TLN2: variants seen among roughly 807,000 people sequenced by gnomAD.
The protein encoded by TLN2 is talin-2.
Under a neutral mutation model 294.7 loss-of-function variants are expected in TLN2, and 118 were observed. The observed-to-expected ratio is 0.40, with a 90% CI of 0.34 to 0.47. The LOEUF (loss-of-function observed/expected upper bound fraction) is 0.47, where lower values mean the gene tolerates loss of function less well. Ranked by LOEUF, TLN2 falls within the 20% of genes least tolerant of loss-of-function variation. TLN2 has a pLI of 0.84. For synonymous variants in TLN2, 1,431 were observed against 1,304.5 expected, an observed-to-expected ratio of 1.10 and a Z score of -2.09; for missense variants, 3,083 against 3,282.2, an observed-to-expected ratio of 0.94 and a Z score of 1.48.
At chr15:62,691,768 C>G (rs536579926) in intron 12 of TLN2, among the ~76,000 whole-genome samples, 45 of 152,056 alleles carry the variant, frequency 3.0e-4, no homozygotes, top group African/African-American at 1.1e-3. Flanking sequence ...CTCCTGGGCT[C>G]AAGCGATCCT....
At chr15:62,394,211 G>C (rs1003779048) in intron 1 of TLN2, among the ~76,000 whole-genome samples, 3 of 152,190 alleles carry the variant, frequency 2.0e-5, no homozygotes, top group Non-Finnish European at 4.4e-5. Context: ...TTACCAGTCT[G>C]TGTAGTGGTG....
chr15:62,772,669 T>TTA (rs925739072), intron 42 of TLN2, among the ~76,000 whole-genome samples: 1 of 30,990 alleles, frequency 3.2e-5, no homozygotes, highest in African/African-American at 7.8e-5. Flanking sequence ...ATTTATTTAT[T>TTA]TTTTTTTTTT....
chr15:62,477,078 C>T (rs2140374049), intron 1 of TLN2, among the ~76,000 whole-genome samples: 1 of 152,320 alleles, frequency 6.6e-6, no homozygotes, highest in Admixed American at 6.5e-5. Context: ...GAGATAGGCA[C>T]AGTCTATGCT....
At chr15:62,753,455 C>T (rs978152368) in intron 35 of TLN2, among the ~76,000 whole-genome samples, 1 of 152,210 alleles carries the variant, frequency 6.6e-6, no homozygotes, top group Non-Finnish European at 1.5e-5. Context: ...GCCTCGTGAT[C>T]ACAAGATGGC....
At chr15:62,523,662 G>A (rs922112067) in intron 1 of TLN2, among the ~76,000 whole-genome samples, 4 of 152,124 alleles carry the variant, frequency 2.6e-5, no homozygotes, top group Non-Finnish European at 5.9e-5. Flanking sequence ...AAATAATAGA[G>A]AATAACTAGC....
chr15:62,790,992 C>G (rs920867790), intron 45 of TLN2, among the ~76,000 whole-genome samples: 5 of 152,170 alleles, frequency 3.3e-5, no homozygotes, highest in Admixed American at 6.5e-5. Flanking sequence ...CTGTAGCACC[C>G]TGTGTACGAA....
chr15:62,553,920 A>G (rs2042461017), intron 1 of TLN2, among the ~76,000 whole-genome samples: 1 of 151,132 alleles, frequency 6.6e-6, no homozygotes, highest in African/African-American at 2.4e-5. Flanking sequence ...CTTGGGATGC[A>G]TATCTTTTAA....
At chr15:62,539,508 A>G (rs183368475) in intron 1 of TLN2, among the ~76,000 whole-genome samples, 5 of 152,340 alleles carry the variant, frequency 3.3e-5, no homozygotes, top group Admixed American at 3.3e-4. Context: ...AGACTAAGAC[A>G]AGGGCCTGAA....
intron 1 of TLN2, among the ~76,000 whole-genome samples, chr15:62,411,428 G>GGT (rs1566950989): frequency 2.8e-5 from 2 of 71,776 alleles, no homozygotes; most frequent in South Asian, 9.7e-4. Flanking sequence ...GTGAGTAATG[G>GGT]ATGTGTGTGT....
chr15:62,412,120 T>C (rs2033811654), intron 1 of TLN2, among the ~76,000 whole-genome samples: 1 of 152,194 alleles, frequency 6.6e-6, no homozygotes, highest in Admixed American at 6.5e-5. Flanking sequence ...GGACCAGCAA[T>C]TTCAGCATCA....
chr15:62,782,384 G>A (rs1239304749), intron 44 of TLN2, among the ~76,000 whole-genome samples: 1 of 152,224 alleles, frequency 6.6e-6, no homozygotes. Context: ...CCTAGTCCGA[G>A]CCAGCAGACT....
At chr15:62,435,115 C>T (rs1401759552) in intron 1 of TLN2, among the ~76,000 whole-genome samples, 1 of 152,194 alleles carries the variant, frequency 6.6e-6, no homozygotes, top group African/African-American at 2.4e-5. Context: ...TTTATGGCTG[C>T]ATAGTATTCC....
At chr15:62,760,078 A>G (rs182263466) in intron 37 of TLN2, among the ~76,000 whole-genome samples, 1 of 152,212 alleles carries the variant, frequency 6.6e-6, no homozygotes, top group African/African-American at 2.4e-5. Context: ...ATGAGGCTTT[A>G]TATGTGAGCA....
At chr15:62,444,675 C>A (rs530885757) in intron 1 of TLN2, among the ~76,000 whole-genome samples, 3 of 152,222 alleles carry the variant, frequency 2.0e-5, no homozygotes, top group Non-Finnish European at 1.5e-5. Context: ...GAGTCATTTG[C>A]TTCTAATTAC....
intron 1 of TLN2, among the ~76,000 whole-genome samples, chr15:62,494,455 A>C (rs1019564834): frequency 1.1e-4 from 16 of 152,220 alleles, no homozygotes; most frequent in African/African-American, 3.4e-4. Context: ...CCTATTTAGA[A>C]AAATGGCTAC....
chr15:62,614,689 A>G (rs989046316), intron 2 of TLN2, among the ~76,000 whole-genome samples: 1 of 152,188 alleles, frequency 6.6e-6, no homozygotes. Context: ...GAATTGTAAA[A>G]AGTTTTAACC....
intron 3 of TLN2, among the ~76,000 whole-genome samples, chr15:62,647,053 G>A (rs1040584429): frequency 1.3e-5 from 2 of 152,188 alleles, no homozygotes; most frequent in African/African-American, 4.8e-5. Flanking sequence ...TTGTCACCCT[G>A]TAGTAATAAC....
At chr15:62,611,302 A>G (rs949596894) in intron 2 of TLN2, among the ~76,000 whole-genome samples, 1 of 152,232 alleles carries the variant, frequency 6.6e-6, no homozygotes, top group African/African-American at 2.4e-5. Flanking sequence ...GTACCATGCC[A>G]TTTGGGAAAC....
chr15:62,800,266 C>G (rs2065837099), intron 48 of TLN2, 102 bp from the exon 49 acceptor site: 2 of 1,514,356 alleles, frequency 1.3e-6, no homozygotes, highest in Non-Finnish European at 1.8e-6. Context: ...CTGTCTTTCT[C>G]TCCTCCCCCG....
Sources: allele counts gnomAD v4.1 joint callset (sites outside exome capture counted in the v4.1 genomes callset), GRCh38; gene constraint gnomAD v4.1.1; transcripts MANE v1.5; gene names NCBI Gene and HGNC (gene_info 2026-07-23, HGNC 2026-07-21).